Variants in UBE2E2 observed in about 807,000 individuals in gnomAD.
UBE2E2 encodes ubiquitin-conjugating enzyme E2 E2.
A neutral mutation model predicts 24.7 loss-of-function variants in UBE2E2; 6 were observed. The observed-to-expected ratio is 0.24, with a 90% CI of 0.13 to 0.48. UBE2E2 has a LOEUF of 0.48. Ranked by LOEUF, UBE2E2 falls within the 20% of genes least tolerant of loss-of-function variation. The pLI is 0.99. For synonymous variants in UBE2E2, 104 were observed against 83.6 expected, an observed-to-expected ratio of 1.24 and a Z score of -1.33; for missense variants, 169 against 245.0, an observed-to-expected ratio of 0.69 and a Z score of 2.07.
chr3:23,454,774 A>T, intron 3 of UBE2E2, among the ~76,000 whole-genome samples: 1 of 152,250 alleles, frequency 6.6e-6, no homozygotes, highest in Non-Finnish European at 1.5e-5. Flanking sequence ...TTGATAGCAT[A>T]CAAATTCAAG....
Position 23,287,904 on chromosome 3 carries a change from T to G in UBE2E2, c.227+70592T>G, listed in dbSNP as rs1045515019. Among the ~76,000 whole-genome samples the G allele has an allele frequency of 7.9e-5, 12 of 152,168 alleles. 2 individuals carry two copies. The highest frequency in any genetic ancestry group is 2.0e-4 in the Admixed American group (3 of 15,286). ...AACACACAGTTTTGTTGCTCTCGTA[T>G]TTTCTTTATTTTGATTTCATTTATT... On this transcript the variant is annotated intron_variant, in intron 3 of 5. Transcript: ENST00000396703.
intron 3 of UBE2E2, chr3:23,270,820 C>G (rs978150189): frequency 2.3e-6 from 1 of 434,384 alleles, no homozygotes; most frequent in Non-Finnish European, 4.6e-6. Context: ...TTAACACACT[C>G]TCTTAGGTGT....
chr3:23,328,910 C>T (rs1280924731), intron 3 of UBE2E2, among the ~76,000 whole-genome samples: 2 of 152,178 alleles, frequency 1.3e-5, no homozygotes, highest in Non-Finnish European at 2.9e-5. Flanking sequence ...GATCCGCCCA[C>T]CTCGGTCTCC....
In UBE2E2 at chr3:23,294,649, TTTTA is replaced by T. The variant is rs201837562; in HGVS notation, c.227+77344_227+77347del. Among the ~76,000 whole-genome samples the T allele has an allele frequency of 6.8e-3, 995 of 145,916 alleles. 12 individuals carry two copies. Among genetic ancestry groups the T allele is most frequent in the African/African-American group, 0.024 (948 of 39,596 alleles). ...TAGATATTTTTGTATCTTTAGATTA[TTTTA>T]TTTATTATTTTAAATAAATATAATA... On this transcript the variant is annotated intron_variant, in intron 3 of 5. Transcript: ENST00000396703.
At chr3:23,354,247 T>A (rs1340390297) in intron 3 of UBE2E2, among the ~76,000 whole-genome samples, 1 of 152,054 alleles carries the variant, frequency 6.6e-6, no homozygotes, top group African/African-American at 2.4e-5. Context: ...CAAGATGGAT[T>A]AAAGACTTAA....
chr3:23,250,170 T>C (rs1009912653), intron 3 of UBE2E2, among the ~76,000 whole-genome samples: 1 of 152,150 alleles, frequency 6.6e-6, no homozygotes, highest in Non-Finnish European at 1.5e-5. Context: ...TGCAATATAG[T>C]CACAATTAGA....
At chr3:23,501,131 T>G (rs941522582) in intron 4 of UBE2E2, among the ~76,000 whole-genome samples, 1 of 152,170 alleles carries the variant, frequency 6.6e-6, no homozygotes, top group African/African-American at 2.4e-5. Context: ...GTAAGGACCT[T>G]TCTTTCTCAG....
At chr3:23,508,019 C>T (rs1165555294) in intron 4 of UBE2E2, among the ~76,000 whole-genome samples, 1 of 152,200 alleles carries the variant, frequency 6.6e-6, no homozygotes, top group Non-Finnish European at 1.5e-5. Flanking sequence ...ATCATTTTCA[C>T]ATTTAACTAG....
At chr3:23,549,622 T>C (rs1043233705) in intron 5 of UBE2E2, among the ~76,000 whole-genome samples, 1 of 152,306 alleles carries the variant, frequency 6.6e-6, no homozygotes, top group East Asian at 1.9e-4. Context: ...AAAAATGGTA[T>C]GTGTGGACCT....
Position 23,553,529 on chromosome 3 carries a change from A to G in UBE2E2, c.508+20828A>G, listed in dbSNP as rs543137787. 3.9e-5 allele frequency among the ~76,000 whole-genome samples: 6 copies of G among 152,252 alleles called. No individual in the cohort carries two copies. The South Asian group carries it at 6.2e-4, about 16-fold the overall frequency. Reference sequence around the variant, plus strand: ...TCTTAAAGTAGGTTGTACATTAACCACCCAAAATTGGACATCTGTTGCTGA... The same window carrying G: ...TCTTAAAGTAGGTTGTACATTAACCGCCCAAAATTGGACATCTGTTGCTGA... On this transcript the variant is annotated intron_variant, in intron 5 of 5. Transcript: ENST00000396703.
At chr3:23,539,860 G>A (rs1695349638) in intron 5 of UBE2E2, among the ~76,000 whole-genome samples, 1 of 152,044 alleles carries the variant, frequency 6.6e-6, no homozygotes, top group African/African-American at 2.4e-5. Flanking sequence ...ATAATTTTAA[G>A]TACATATAGG....
intron 4 of UBE2E2, among the ~76,000 whole-genome samples, chr3:23,507,764 C>T (rs1483422848): frequency 6.6e-6 from 1 of 152,080 alleles, no homozygotes. Flanking sequence ...ATTCTCCAAC[C>T]CAAGTATTTT....
chr3:23,415,473 G>A (rs1465135793), intron 3 of UBE2E2, among the ~76,000 whole-genome samples: 1 of 152,186 alleles, frequency 6.6e-6, no homozygotes, highest in African/African-American at 2.4e-5. Flanking sequence ...GAATGAGGCT[G>A]GAGTACATTA....
chr3:23,585,936 A>G (rs1450032663), intron 5 of UBE2E2, among the ~76,000 whole-genome samples: 1 of 150,050 alleles, frequency 6.7e-6, no homozygotes, highest in Non-Finnish European at 1.5e-5. Context: ...TAGTGTTGCT[A>G]AATTCATGAC....
chr3:23,327,187 C>T (rs1387866649), intron 3 of UBE2E2, among the ~76,000 whole-genome samples: 1 of 151,862 alleles, frequency 6.6e-6, no homozygotes, highest in Non-Finnish European at 1.5e-5. Flanking sequence ...GGATATATAC[C>T]CAGTAATGGA....
At chr3:23,428,820 A>T (rs1213098914) in intron 3 of UBE2E2, among the ~76,000 whole-genome samples, 4 of 151,448 alleles carry the variant, frequency 2.6e-5, no homozygotes, top group African/African-American at 9.7e-5. Context: ...GTGCCACCAC[A>T]TCACAGTTAC....
At chr3:23,355,906 G>A (rs956593988) in intron 3 of UBE2E2, among the ~76,000 whole-genome samples, 1 of 152,146 alleles carries the variant, frequency 6.6e-6, no homozygotes, top group Non-Finnish European at 1.5e-5. Context: ...TATCTCTTAC[G>A]TAAATCATCT....
At chr3:23,504,471 AGAGTTTGCACGTGTTTAT>A (rs367741440) in intron 4 of UBE2E2, among the ~76,000 whole-genome samples, 1 of 152,298 alleles carries the variant, frequency 6.6e-6, no homozygotes, top group African/African-American at 2.4e-5. Flanking sequence ...TTCTGGGTAA[AGAGTTTGCACGTGTTTAT>A]AGAGTTTTTG....
intron 3 of UBE2E2, among the ~76,000 whole-genome samples, chr3:23,435,385 G>T (rs1698156801): frequency 6.6e-6 from 1 of 152,206 alleles, no homozygotes; most frequent in Non-Finnish European, 1.5e-5. Context: ...TAAGTTACTT[G>T]GTGTGAGGTC....
Sources: allele counts gnomAD v4.1 joint callset (sites outside exome capture counted in the v4.1 genomes callset), GRCh38; gene constraint gnomAD v4.1.1; transcripts MANE v1.5; gene names NCBI Gene and HGNC (gene_info 2026-07-23, HGNC 2026-07-21).